The following ARID1B variants were observed in gnomAD, a reference collection of about 807,000 sequenced individuals.
The protein encoded by ARID1B is AT-rich interaction domain 1B.
In ARID1B, 30 loss-of-function variants were observed where a neutral mutation model predicts 212.3. The ratio of observed to expected loss-of-function variants is 0.14; its 90% confidence interval spans 0.11 to 0.19. The LOEUF is 0.19. Among genes scored for constraint, ARID1B ranks in the 10% least tolerant of loss-of-function variants. The pLI is 1.00. For synonymous variants in ARID1B, 1,402 were observed against 1,301.7 expected (o/e 1.08, Z -1.66); for missense variants, 2,891 against 3,204.0 (o/e 0.90, Z 2.36).
Position 157,200,990 on chromosome 6 carries a change from G to A in ARID1B, c.4765G>A (p.Ala1589Thr), listed in dbSNP as rs2128373835. The change falls in exon 18 of 20, where the codon GCA becomes ACA. Residue 1589 changes from alanine (A) to threonine (T), a missense_variant. By Grantham distance (58) the Ala-to-Thr change is moderately conservative. This residue lies in a region of ARID1B where 666 missense variants were observed against 873.5 expected (regional missense o/e 0.76). Transcript: ENST00000636930. This position sits in a 1 kb window ranked among gnomAD's most constrained non-coding sequence, Gnocchi z 4.3. The stretch of plus-strand genomic sequence containing the variant: ...TGAGGGGCCTCAGCAGAATATGTGG[G>A]CAGCACGCAATGATATGCCTTATCC... ...SSEGPQQNMW[A>T]ARNDMPYPYQ... 3 of 1,614,120 alleles carry A rather than the reference G, an allele frequency of 1.9e-6. No homozygotes were observed. Among genetic ancestry groups the A allele is most frequent in the South Asian group, 1.1e-5 (1 of 91,076 alleles).
At chr6:156,857,560 G>C (rs1400481941) in intron 2 of ARID1B, among the ~76,000 whole-genome samples, 1 of 152,182 alleles carries the variant, frequency 6.6e-6, no homozygotes, top group Non-Finnish European at 1.5e-5. Flanking sequence ...GCTAGGAAGG[G>C]GGCTGAAGAG....
rs568923623 is a variant in ARID1B at position 157,101,007 on chromosome 6, C to T, written c.2492-9465C>T. The stretch of plus-strand genomic sequence containing the variant: ...AAGTCAGATGGTGGCAGGTGAGACC[C>T]GTATTCTACTTTAAAGATTTGAAAG... On this transcript the variant is annotated intron_variant, in intron 5 of 19. Transcript: ENST00000636930. Among the ~76,000 whole-genome samples the T allele has an allele frequency of 3.8e-4, 58 of 152,200 alleles. 1 individual carries two copies. Among genetic ancestry groups the T allele is most frequent in the Admixed American group, 7.8e-4 (12 of 15,290 alleles).
chr6:156,791,657 C>CA (rs1432249450), intron 1 of ARID1B, among the ~76,000 whole-genome samples: 1 of 152,182 alleles, frequency 6.6e-6, no homozygotes. Flanking sequence ...AAATTGGATT[C>CA]AAACGGAACA....
chr6:156,851,176 C>T (rs563416746), intron 2 of ARID1B, among the ~76,000 whole-genome samples: 4 of 152,240 alleles, frequency 2.6e-5, no homozygotes, highest in Non-Finnish European at 1.5e-5. Flanking sequence ...ACCTTGGCCT[C>T]TCTCTGTGTG....
intron 15 of ARID1B, 95 bp from the exon 16 acceptor site, chr6:157,196,070 A>C: frequency 3.3e-6 from 5 of 1,505,226 alleles, no homozygotes; most frequent in Non-Finnish European, 4.5e-6. Flanking sequence ...AAAAAAAGAA[A>C]AAGTCCAAAG....
rs766875935 is a variant in ARID1B, at chr6:157,207,676, C to G, written c.6904C>G (p.Leu2302Val). The change falls in exon 20 of 20, where the codon CTC (leucine) becomes GTC (valine). Residue 2302 changes from leucine to valine, a missense_variant. This residue lies in a region of ARID1B where 187 missense variants were observed against 306.5 expected (regional missense o/e 0.61). Transcript: ENST00000636930. This position sits in a 1 kb window ranked among gnomAD's most constrained non-coding sequence, Gnocchi z 8.5. ...MAQYQQSQHN[L>V]MHMQPPPLEP... ...CCAGTACCAGCAGAGCCAGCACAAC[C>G]TCATGCACATGCAGCCCCCGCCCCT... The G allele has an allele frequency of 3.4e-5, 54 of 1,611,566 alleles. No individual in the cohort carries two copies. Among genetic ancestry groups the G allele is most frequent in the Non-Finnish European group, 4.6e-5 (54 of 1,177,920 alleles).
intron 5 of ARID1B, among the ~76,000 whole-genome samples, chr6:157,093,109 G>C (rs772556266): frequency 6.6e-6 from 1 of 152,180 alleles, no homozygotes; most frequent in Non-Finnish European, 1.5e-5. Context: ...ATTCAGAATG[G>C]AGGGGTACAA....
At chr6:156,933,013 G>A (rs1378802071) in intron 3 of ARID1B, among the ~76,000 whole-genome samples, 1 of 152,062 alleles carries the variant, frequency 6.6e-6, no homozygotes, top group Non-Finnish European at 1.5e-5. Flanking sequence ...GAAATATAAG[G>A]CCACAATACA....
chr6:157,022,821 T>G (rs1780404887), intron 4 of ARID1B: 1 of 152,232 alleles, frequency 6.6e-6, no homozygotes, highest in South Asian at 2.1e-4. Flanking sequence ...CAAATTTAAT[T>G]GATGATCCAT....
chr6:156,779,156 C>T lies in ARID1B; in HGVS notation c.1476C>T (p.Asn492=), dbSNP rs2114997485. The T allele has an allele frequency of 2.3e-6, 3 of 1,320,870 alleles. No individual in the cohort carries two copies. Among genetic ancestry groups the T allele is most frequent in the Non-Finnish European group, 2.9e-6 (3 of 1,029,350 alleles). The allele number at this position is 1,320,870 out of a possible 1,614,324, so 81.8% of individuals were successfully genotyped here. The change falls in exon 1 of 20, where the codon AAC becomes AAT. Residue 492 remains asparagine (N), a synonymous_variant. Coordinates refer to ENST00000636930, the MANE Select transcript of ARID1B (RefSeq NM_001374828.1). ...AGGFQRFAGQ[N]QHPSGATPTL... Reference sequence around the variant, plus strand: ...GCTTCCAGCGCTTCGCCGGCCAGAACCAGCACCCGTCGGGGGCCACCCCGA... The same window carrying T: ...GCTTCCAGCGCTTCGCCGGCCAGAATCAGCACCCGTCGGGGGCCACCCCGA...
chr6:156,848,556 A>G (rs1215873902), intron 2 of ARID1B, among the ~76,000 whole-genome samples: 1 of 152,214 alleles, frequency 6.6e-6, no homozygotes, highest in Admixed American at 6.5e-5. Context: ...CCCATTAGTA[A>G]TTAGGATAAC....
chr6:156,949,459 T>A (rs1260555496), intron 4 of ARID1B, among the ~76,000 whole-genome samples: 4 of 152,204 alleles, frequency 2.6e-5, no homozygotes, highest in Non-Finnish European at 5.9e-5. Flanking sequence ...ATTTCTTGCC[T>A]TTTCTTTGCC....
chr6:157,164,106 C>T (rs2128284218), intron 8 of ARID1B, among the ~76,000 whole-genome samples: 2 of 152,324 alleles, frequency 1.3e-5, no homozygotes, highest in Middle Eastern at 3.4e-3. Flanking sequence ...CTGTCACTAT[C>T]ATTACCAGCC....
intron 1 of ARID1B, among the ~76,000 whole-genome samples, chr6:156,813,198 G>A (rs1781732509): frequency 1.3e-5 from 2 of 150,326 alleles, no homozygotes; most frequent in African/African-American, 4.9e-5. Context: ...CTGCCACCCA[G>A]GTTGAAGCAA....
intron 3 of ARID1B, chr6:156,901,868 A>G (rs1397492438): frequency 1.4e-5 from 4 of 290,180 alleles, no homozygotes; most frequent in African/African-American, 2.2e-5. Context: ...GAAGGATTTT[A>G]TCAATCATTT....
chr6:156,906,324 G>C (rs1789370812), intron 3 of ARID1B, among the ~76,000 whole-genome samples: 1 of 151,820 alleles, frequency 6.6e-6, no homozygotes, highest in South Asian at 2.1e-4. Context: ...GAGGTGGGTG[G>C]ATCACCTGAG....
chr6:157,153,296 T>G (rs960080637), intron 8 of ARID1B, among the ~76,000 whole-genome samples: 2 of 152,216 alleles, frequency 1.3e-5, no homozygotes, highest in African/African-American at 4.8e-5. Flanking sequence ...GTTCACGTAC[T>G]AGATTCACTG....
intron 4 of ARID1B, among the ~76,000 whole-genome samples, chr6:156,944,161 T>C (rs1484973010): frequency 6.6e-6 from 1 of 152,176 alleles, no homozygotes; most frequent in East Asian, 1.9e-4. Flanking sequence ...AAAGCACTGA[T>C]AAAAACGGGC....
intron 4 of ARID1B, among the ~76,000 whole-genome samples, chr6:157,081,263 A>G (rs931770064): frequency 2.6e-5 from 4 of 152,180 alleles, no homozygotes; most frequent in African/African-American, 9.6e-5. Flanking sequence ...GGCATCATAG[A>G]TCTGATAGTA....
Sources: gnomAD v4.1 joint callset for allele counts (sites outside exome capture counted in the v4.1 genomes callset) on GRCh38, gnomAD v4.1.1 for gene constraint, gnomAD v4.1.1 regional missense constraint, Gnocchi (gnomAD v3.1) non-coding constraint, MANE v1.5 for transcripts, NCBI Gene and HGNC (gene_info 2026-07-23, HGNC 2026-07-21) for gene names.